Variants in ANKRD46 observed in about 807,000 individuals in gnomAD.
ANKRD46 encodes the protein ankyrin repeat domain 46, also known as ankyrin repeat domain-containing protein 46.
Under a neutral mutation model 19.8 loss-of-function variants are expected in ANKRD46, and 13 were observed. The observed-to-expected ratio is 0.66, with a 90% CI of 0.43 to 1.04. The LOEUF (loss-of-function observed/expected upper bound fraction) is 1.04, where lower values mean the gene tolerates loss of function less well. Ranked by LOEUF, ANKRD46 falls within the 50% of genes least tolerant of loss-of-function variation. ANKRD46 has a pLI of 0.00. For synonymous variants in ANKRD46, 91 were observed against 106.9 expected, an observed-to-expected ratio of 0.85 and a Z score of 0.92; for missense variants, 185 against 274.8, an observed-to-expected ratio of 0.67 and a Z score of 2.31.
chr8:100,539,500 T>C (rs1256808294), intron 1 of ANKRD46, among the ~76,000 whole-genome samples: 4 of 152,214 alleles, frequency 2.6e-5, no homozygotes, highest in African/African-American at 9.6e-5. Context: ...GAAGTTCAAA[T>C]TTTTAGCAAA....
chr8:100,525,004 G>GTTT lies in ANKRD46; in HGVS notation c.471-2234_471-2233insAAA, dbSNP rs1811814276. Among the ~76,000 whole-genome samples, 1 of 126,618 alleles carries GTTT rather than the reference G, an allele frequency of 7.9e-6. No homozygotes were observed. Among genetic ancestry groups the GTTT allele is most frequent in the Non-Finnish European group, 1.8e-5 (1 of 54,964 alleles). The allele number at this position is 126,618 out of a possible 152,430, so 83.1% of individuals were successfully genotyped here. On this transcript the variant is annotated intron_variant, in intron 4 of 4. Coordinates refer to ENST00000335659, the MANE Select transcript of ANKRD46 (RefSeq NM_001270377.2). This position sits in a 1 kb window ranked among gnomAD's most constrained non-coding sequence, Gnocchi z 4.4. ...GTTTTTGTTATCCCATACCTACAAA[G>GTTT]TAAAAAGGAATTAAACTTAGAGTTA...
chr8:100,512,376 T>C (rs1014746058), intron 5 of ANKRD46, among the ~76,000 whole-genome samples: 1 of 152,230 alleles, frequency 6.6e-6, no homozygotes, highest in African/African-American at 2.4e-5. Context: ...GACAGAGCTC[T>C]TTCCACTGGG....
intron 5 of ANKRD46, among the ~76,000 whole-genome samples, chr8:100,512,108 T>G (rs1811557594): frequency 6.6e-6 from 1 of 152,226 alleles, no homozygotes; most frequent in South Asian, 2.1e-4. Context: ...ACTCTGGAAT[T>G]GGAATAACTT....
chr8:100,516,392 T>C (rs1053425142), downstream of ANKRD46, among the ~76,000 whole-genome samples: 9 of 152,206 alleles, frequency 5.9e-5, no homozygotes, highest in Admixed American at 4.6e-4. Flanking sequence ...AACAAAGTAT[T>C]GTTTCAAATT....
At chr8:100,542,912 A>G (rs1812201531) in intron 1 of ANKRD46, among the ~76,000 whole-genome samples, 1 of 152,136 alleles carries the variant, frequency 6.6e-6, no homozygotes, top group South Asian at 2.1e-4. Flanking sequence ...AGCGAATTAC[A>G]GCAATTCTCT....
rs144575284 is a variant in ANKRD46 at position 100,538,841 on chromosome 8, G to A, written c.-130-5530C>T. Among the ~76,000 whole-genome samples the A allele has an allele frequency of 3.7e-3, 566 of 152,218 alleles. 2 individuals carry two copies. The highest frequency in any genetic ancestry group is 6.0e-3 in the Non-Finnish European group (406 of 67,998). On this transcript the variant is annotated intron_variant, in intron 1 of 4. Transcript: ENST00000335659. The stretch of plus-strand genomic sequence containing the variant: ...TGCTCTTAGGAGAGTACCACAGAGA[G>A]ACAATTTTCTTGTCAGATGCTGTTA...
chr8:100,557,744 TG>T lies in ANKRD46; in HGVS notation c.-131+1966del, dbSNP rs1216273607. ...ACAAGACTGAAGGGTTCTGGGCTTT[TG>T]CCCTTGCTTGGTATGCTCTTTCCCT... On this transcript the variant is annotated intron_variant, in intron 1 of 4. Coordinates refer to ENST00000335659, the MANE Select transcript of ANKRD46 (RefSeq NM_001270377.2). This position sits in a 1 kb window ranked among gnomAD's most constrained non-coding sequence, Gnocchi z 5.9. 6.6e-6 allele frequency among the ~76,000 whole-genome samples: 1 copy of T among 152,162 alleles called. No homozygotes were observed. The highest frequency in any genetic ancestry group is 6.5e-5 in the Admixed American group (1 of 15,278).
chr8:100,524,325 G>C lies in ANKRD46; in HGVS notation c.471-1554C>G, dbSNP rs907945021. Among the ~76,000 whole-genome samples, 1 of 152,138 alleles carries C rather than the reference G, an allele frequency of 6.6e-6. No homozygotes were observed. Among genetic ancestry groups the C allele is most frequent in the African/African-American group, 2.4e-5 (1 of 41,426 alleles). The stretch of plus-strand genomic sequence containing the variant: ...CTAACTCCCATAAAACAGTATCTTA[G>C]AGTCTCATTCATTATGAACTATGAA... On this transcript the variant is annotated intron_variant, in intron 4 of 4. Coordinates refer to ENST00000335659, the MANE Select transcript of ANKRD46 (RefSeq NM_001270377.2). The surrounding 1 kb of genome is among the most constrained non-coding windows in gnomAD (Gnocchi z 4.3).
At chr8:100,538,584 G>A (rs1436891765) in intron 1 of ANKRD46, among the ~76,000 whole-genome samples, 1 of 152,050 alleles carries the variant, frequency 6.6e-6, no homozygotes, top group Admixed American at 6.5e-5. Context: ...TCAAACAGGG[G>A]TTTGAAGAGG....
intron 4 of ANKRD46, among the ~76,000 whole-genome samples, chr8:100,526,792 C>T (rs146492851): frequency 8.6e-4 from 131 of 152,200 alleles, no homozygotes; most frequent in South Asian, 6.9e-3. Flanking sequence ...CTATGAAAAA[C>T]AGAGAGGATT....
At chr8:100,552,794 G>A (rs1023359505) in intron 1 of ANKRD46, among the ~76,000 whole-genome samples, 17 of 152,132 alleles carry the variant, frequency 1.1e-4, no homozygotes, top group African/African-American at 3.9e-4. Context: ...CAGATAAAAG[G>A]GTCAAGCCTT....
chr8:100,522,310 C>A lies in ANKRD46; in HGVS notation c.*245G>T, dbSNP rs746100646. On this transcript the variant is annotated 3_prime_UTR_variant, in exon 5 of 5. Coordinates refer to ENST00000335659, the MANE Select transcript of ANKRD46 (RefSeq NM_001270377.2). ...TCCGTGTTTTTATCAAACAAGGCTA[C>A]GTGTAGGCTTTCCTACAAAGTCAGG... 7.6e-7 allele frequency: 1 copy of A among 1,323,112 alleles called. No homozygotes were observed. Among genetic ancestry groups the A allele is most frequent in the Non-Finnish European group, 9.7e-7 (1 of 1,033,432 alleles). The allele number at this position is 1,323,112 out of a possible 1,614,324, so 82.0% of individuals were successfully genotyped here.
Position 100,536,779 on chromosome 8 carries a change from C to T in ANKRD46, c.-130-3468G>A, listed in dbSNP as rs1812072401. Among the ~76,000 whole-genome samples, 1 of 152,164 alleles carries T rather than the reference C, an allele frequency of 6.6e-6. No homozygotes were observed. The highest frequency in any genetic ancestry group is 2.4e-5 in the African/African-American group (1 of 41,434). Reference sequence around the variant, plus strand: ...GAACAGTGTCCATGAGGAACAGTGTCCACTGACTGGTTCAGAGGCAGACTA... The same window carrying T: ...GAACAGTGTCCATGAGGAACAGTGTTCACTGACTGGTTCAGAGGCAGACTA... On this transcript the variant is annotated intron_variant, in intron 1 of 4. Transcript: ENST00000335659. This position sits in a 1 kb window ranked among gnomAD's most constrained non-coding sequence, Gnocchi z 4.9.
rs1811753789 is a variant in ANKRD46 at position 100,522,780 on chromosome 8, GAAGA to G, written c.471-13_471-10del. 3 of 1,603,722 alleles carry G rather than the reference GAAGA, an allele frequency of 1.9e-6. No homozygotes were observed. Among genetic ancestry groups the G allele is most frequent in the Non-Finnish European group, 2.6e-6 (3 of 1,173,956 alleles). On this transcript the variant is annotated splice_polypyrimidine_tract_variant and intron_variant, in intron 4 of 4. Coordinates refer to ENST00000335659, the MANE Select transcript of ANKRD46 (RefSeq NM_001270377.2). ...AATGGCTTTCCATGGCACTGTGGAA[GAAGA>G]AAGAGCAAAAAGGGCATTAAAAAAA...
In ANKRD46 at chr8:100,512,901, C is replaced by T. The variant is rs114696558; in HGVS notation, c.637-2262G>A. Among the ~76,000 whole-genome samples the T allele has an allele frequency of 7.2e-3, 1,103 of 152,150 alleles. 16 individuals carry two copies. Among genetic ancestry groups the T allele is most frequent in the African/African-American group, 0.025 (1,049 of 41,498 alleles). The stretch of plus-strand genomic sequence containing the variant: ...AATGTAAACCTGAGATTGGCTGGTT[C>T]GGGGGTTAGAAGCCCAGGCATTTTC... On this transcript the variant is annotated intron_variant, in intron 5 of 5. Transcript: ENST00000520552.
In ANKRD46 at chr8:100,536,433, C is replaced by T. The variant is rs1262195481; in HGVS notation, c.-130-3122G>A. Among the ~76,000 whole-genome samples, 1 of 152,078 alleles carries T rather than the reference C, an allele frequency of 6.6e-6. No individual in the cohort carries two copies. Among genetic ancestry groups the T allele is most frequent in the Non-Finnish European group, 1.5e-5 (1 of 68,018 alleles). On this transcript the variant is annotated intron_variant, in intron 1 of 4. Transcript: ENST00000335659. This position sits in a 1 kb window ranked among gnomAD's most constrained non-coding sequence, Gnocchi z 4.9. Reference sequence around the variant, plus strand: ...GGAGCTGGACTGCCTGGGTTTGAACCCCAGCTCAGCTACTTACTAGCTGTA... The same window carrying T: ...GGAGCTGGACTGCCTGGGTTTGAACTCCAGCTCAGCTACTTACTAGCTGTA...
chr8:100,549,510 T>C (rs1812339431), intron 1 of ANKRD46, among the ~76,000 whole-genome samples: 3 of 152,212 alleles, frequency 2.0e-5, no homozygotes, highest in African/African-American at 7.2e-5. Flanking sequence ...GCATAAAAAT[T>C]GCATTACTAG....
rs200535741 is a variant in ANKRD46 at position 100,524,503 on chromosome 8, C to T, written c.471-1732G>A. ...TGGGCCAGTCTGCTTAACACCCAAA[C>T]TTTTTTTTTTTTAATAATTAAAACA... On this transcript the variant is annotated intron_variant, in intron 4 of 4. Coordinates refer to ENST00000335659, the MANE Select transcript of ANKRD46 (RefSeq NM_001270377.2). This position sits in a 1 kb window ranked among gnomAD's most constrained non-coding sequence, Gnocchi z 4.3. Among the ~76,000 whole-genome samples, 831 of 148,620 alleles carry T rather than the reference C, an allele frequency of 5.6e-3. 7 individuals carry two copies. Among genetic ancestry groups the T allele is most frequent in the Middle Eastern group, 0.024 (7 of 292 alleles).
At chr8:100,553,884 T>C (rs927675097) in intron 1 of ANKRD46, among the ~76,000 whole-genome samples, 1 of 152,250 alleles carries the variant, frequency 6.6e-6, no homozygotes. Context: ...GAGTATCTAA[T>C]GTCATCAAGA....
Sources: gnomAD v4.1 joint callset for allele counts (sites outside exome capture counted in the v4.1 genomes callset) on GRCh38, gnomAD v4.1.1 for gene constraint, Gnocchi (gnomAD v3.1) non-coding constraint, MANE v1.5 for transcripts, NCBI Gene and HGNC (gene_info 2026-07-23, HGNC 2026-07-21) for gene names.